The following STAC variants were observed in gnomAD, a reference collection of about 807,000 sequenced individuals.
STAC encodes SH3 and cysteine-rich domain-containing protein.
A neutral mutation model predicts 48.8 loss-of-function variants in STAC; 43 were observed. The observed-to-expected ratio is 0.88, with a 90% CI of 0.69 to 1.14. The LOEUF is 1.14. Among genes scored for constraint, STAC ranks in the 50% most tolerant of loss-of-function variants. The pLI, the probability that STAC is intolerant of heterozygous loss-of-function variation, is 0.00. For synonymous variants in STAC, 193 were observed against 179.5 expected (o/e 1.07, Z -0.60); for missense variants, 497 against 504.0 (o/e 0.99, Z 0.13).
At chr3:36,534,809 G>A (rs752369952) in intron 10 of STAC, among the ~76,000 whole-genome samples, 7 of 151,884 alleles carry the variant, frequency 4.6e-5, no homozygotes, top group Non-Finnish European at 1.0e-4. Flanking sequence ...GGGACCACAG[G>A]TGTGCACTAC....
chr3:36,521,091 G>C (rs1398219224), intron 8 of STAC, among the ~76,000 whole-genome samples: 1 of 152,002 alleles, frequency 6.6e-6, no homozygotes, highest in Non-Finnish European at 1.5e-5. Flanking sequence ...GATTAATGGA[G>C]CCATTTGGCT....
intron 3 of STAC, among the ~76,000 whole-genome samples, chr3:36,483,953 A>T (rs1377344955): frequency 6.6e-6 from 1 of 152,008 alleles, no homozygotes; most frequent in African/African-American, 2.4e-5. Context: ...TGTCTCAAAA[A>T]TTTTTTTTCA....
At chr3:36,463,173 A>C (rs1697066474) in intron 2 of STAC, among the ~76,000 whole-genome samples, 1 of 151,942 alleles carries the variant, frequency 6.6e-6, no homozygotes, top group Admixed American at 6.6e-5. Context: ...TTATAAAATT[A>C]ATTAAGAAGC....
At chr3:36,437,311 A>G (rs1255825112) in intron 1 of STAC, among the ~76,000 whole-genome samples, 1 of 151,666 alleles carries the variant, frequency 6.6e-6, no homozygotes, top group Non-Finnish European at 1.5e-5. Flanking sequence ...ATGCTGCTAT[A>G]AAGACACATG....
chr3:36,502,160 G>A (rs1698296094), intron 6 of STAC, among the ~76,000 whole-genome samples: 1 of 152,018 alleles, frequency 6.6e-6, no homozygotes, highest in South Asian at 2.1e-4. Context: ...TTGGGGATGT[G>A]GTAAGAACTA....
rs113605415 is a variant in STAC at position 36,508,589 on chromosome 3, T to C, written c.920+2755T>C. Among the ~76,000 whole-genome samples the C allele has an allele frequency of 3.8e-3, 575 of 152,336 alleles. 3 individuals carry two copies. The highest frequency in any genetic ancestry group is 0.013 in the African/African-American group (541 of 41,582). On this transcript the variant is annotated intron_variant, in intron 8 of 10. Transcript: ENST00000273183. ...TGTAGGTCTCTAAGAACTTGCTTTATGAATCTGGGTGCTTTACATATTGGG... is the reference window on the plus strand; with the variant it reads ...TGTAGGTCTCTAAGAACTTGCTTTACGAATCTGGGTGCTTTACATATTGGG...
intron 10 of STAC, among the ~76,000 whole-genome samples, chr3:36,538,111 A>G (rs1699241082): frequency 1.3e-5 from 2 of 152,192 alleles, no homozygotes; most frequent in Non-Finnish European, 2.9e-5. Context: ...GGCATATTTC[A>G]TGTCAAACTT....
intron 6 of STAC, among the ~76,000 whole-genome samples, chr3:36,502,199 A>G (rs1698297229): frequency 1.3e-5 from 2 of 152,204 alleles, no homozygotes; most frequent in East Asian, 3.8e-4. Flanking sequence ...GTAACATTAG[A>G]AACTATGCCT....
At chr3:36,538,884 C>T (rs1484028343) in intron 10 of STAC, among the ~76,000 whole-genome samples, 5 of 152,028 alleles carry the variant, frequency 3.3e-5, no homozygotes, top group African/African-American at 1.2e-4. Flanking sequence ...CACATGTGAC[C>T]AATATTTTCT....
At chr3:36,534,019 AAAAATCAATTTT>A (rs1699137433) in intron 10 of STAC, among the ~76,000 whole-genome samples, 1 of 152,212 alleles carries the variant, frequency 6.6e-6, no homozygotes, top group Non-Finnish European at 1.5e-5. Context: ...AAATGCTTTT[AAAAATCAATTTT>A]AGAAACAAAT....
chr3:36,530,837 A>T (rs918516192), intron 10 of STAC, among the ~76,000 whole-genome samples: 14 of 151,934 alleles, frequency 9.2e-5, no homozygotes, highest in Non-Finnish European at 2.1e-4. Context: ...ACCTCAGGTG[A>T]TCCACCCGCC....
At chr3:36,474,025 C>T (rs1325907469) in intron 2 of STAC, among the ~76,000 whole-genome samples, 1 of 152,190 alleles carries the variant, frequency 6.6e-6, no homozygotes, top group Non-Finnish European at 1.5e-5. Context: ...TATGTAATCA[C>T]CAGCTTGGAG....
chr3:36,488,216 T>A (rs1002303034), intron 5 of STAC, among the ~76,000 whole-genome samples: 2 of 152,304 alleles, frequency 1.3e-5, no homozygotes, highest in East Asian at 3.9e-4. Context: ...TACAGGTGCA[T>A]GCCACTGCAC....
intron 2 of STAC, among the ~76,000 whole-genome samples, chr3:36,472,644 C>T (rs1465088569): frequency 6.6e-6 from 1 of 152,220 alleles, no homozygotes; most frequent in East Asian, 1.9e-4. Context: ...TTCCACAGAT[C>T]TCTAGGGCAG....
chr3:36,515,473 G>A (rs1698648529), intron 8 of STAC, among the ~76,000 whole-genome samples: 1 of 152,172 alleles, frequency 6.6e-6, no homozygotes, highest in Non-Finnish European at 1.5e-5. Context: ...GTTTGAAGGG[G>A]AAAGGGCATC....
At chr3:36,519,085 ACT>A (rs1244532389) in intron 8 of STAC, among the ~76,000 whole-genome samples, 1 of 152,088 alleles carries the variant, frequency 6.6e-6, no homozygotes, top group South Asian at 2.1e-4. Flanking sequence ...GTGAGCAGTC[ACT>A]CTCTCTCCAG....
At chr3:36,514,080 A>C (rs1698607489) in intron 8 of STAC, among the ~76,000 whole-genome samples, 2 of 151,850 alleles carry the variant, frequency 1.3e-5, no homozygotes, top group South Asian at 4.2e-4. Context: ...CGAAACACAC[A>C]TATTTGCTCA....
chr3:36,480,712 A>G (rs954152322), intron 2 of STAC, among the ~76,000 whole-genome samples: 2 of 152,218 alleles, frequency 1.3e-5, no homozygotes, highest in African/African-American at 4.8e-5. Context: ...ATACAAATAG[A>G]TCTTCAAGTT....
chr3:36,509,913 G>T (rs569383251), intron 8 of STAC, among the ~76,000 whole-genome samples: 1 of 152,172 alleles, frequency 6.6e-6, no homozygotes, highest in East Asian at 1.9e-4. Context: ...AAGTCTTCAT[G>T]ACTAAAACAC....
Sources: allele counts gnomAD v4.1 joint callset (sites outside exome capture counted in the v4.1 genomes callset), GRCh38; gene constraint gnomAD v4.1.1; transcripts MANE v1.5; gene names NCBI Gene and HGNC (gene_info 2026-07-23, HGNC 2026-07-21).